The following OTUD7B variants were observed in gnomAD, a reference collection of about 807,000 sequenced individuals.
OTUD7B encodes OTU deubiquitinase 7B, also known as OTU domain-containing protein 7B.
Under a neutral mutation model 82.2 loss-of-function variants are expected in OTUD7B, and 34 were observed. The ratio of observed to expected loss-of-function variants is 0.41; its 90% CI spans 0.31 to 0.55. OTUD7B has a LOEUF of 0.55. Among genes scored for constraint, OTUD7B ranks in the 20% least tolerant of loss-of-function variants. The pLI is 0.20. For missense variants in OTUD7B, 944 were observed against 1,062.1 expected, an observed-to-expected ratio of 0.89 and a Z score of 1.55; for synonymous variants, 398 against 402.7, an observed-to-expected ratio of 0.99 and a Z score of 0.14.
intron 1 of OTUD7B, among the ~76,000 whole-genome samples, chr1:150,000,247 G>A (rs1307700358): frequency 7.2e-5 from 11 of 152,188 alleles, no homozygotes; most frequent in African/African-American, 2.7e-4. Context: ...ACTGAGGCAG[G>A]CAGATCACTT....
chr1:149,957,456 G>A (rs1648771311), intron 7 of OTUD7B, among the ~76,000 whole-genome samples: 1 of 148,348 alleles, frequency 6.7e-6, no homozygotes, highest in African/African-American at 2.6e-5. Context: ...ACTGGGAGGT[G>A]TCTCCCAATT....
chr1:150,030,159 C>T, the OTUD7B span, among the ~76,000 whole-genome samples: 1 of 152,164 alleles, frequency 6.6e-6, no homozygotes, highest in South Asian at 2.1e-4. Flanking sequence ...CCTTCAGTCA[C>T]GATTCTAAAC....
At position 149,944,043 on chromosome 1, in the gene OTUD7B, G is replaced by T. The variant is rs782025471; in HGVS notation, c.2346C>A (p.Pro782=). 1.2e-5 allele frequency: 20 copies of T among 1,614,096 alleles called. No individual in the cohort carries two copies. The highest frequency in any genetic ancestry group is 3.3e-5 in the Admixed American group (2 of 60,010). Residue 782 remains proline, a synonymous_variant, in exon 12 of 12, where the codon CCC becomes CCA. Coordinates refer to ENST00000581312, the MANE Select transcript of OTUD7B (RefSeq NM_020205.4). ...CTCCAGCCCATCCATCTGGCTCAGG[G>T]GGCTCTCTGTAGCCATTGCTATAGG... ...ADSYSNGYRE[P]PEPDGWAGGL...
At chr1:150,030,265 G>T in the OTUD7B span, among the ~76,000 whole-genome samples, 1 of 152,124 alleles carries the variant, frequency 6.6e-6, no homozygotes, top group African/African-American at 2.4e-5. Flanking sequence ...CCTTGGTGTG[G>T]ATGGGAAGGA....
intron 1 of OTUD7B, among the ~76,000 whole-genome samples, chr1:149,999,945 G>C (rs782682490): frequency 3.9e-5 from 6 of 152,298 alleles, no homozygotes; most frequent in Non-Finnish European, 7.4e-5. Context: ...ACACAGCACT[G>C]GCACTTTCAA....
Position 149,965,875 on chromosome 1 carries a change from C to T in OTUD7B, c.506G>A (p.Arg169His), listed in dbSNP as rs184168570. ...ATCCACACTCACCCACCAGTTCAAA[C>T]GCCCTGTAGAAACAAGATAGTGGAG... ...SMLVALEQAG[R>H]LNWWVSVDPT... is the part of the protein sequence containing the mutation. The change falls in exon 5 of 12, where the codon CGT (arginine) becomes CAT (histidine). Residue 169 changes from arginine (R) to histidine (H), a missense_variant. By Grantham distance (29) the Arg-to-His change is conservative (BLOSUM62 0). Transcript: ENST00000581312. The T allele has an allele frequency of 6.5e-5, 105 of 1,613,206 alleles. No individual in the cohort carries two copies. Among genetic ancestry groups the T allele is most frequent in the Non-Finnish European group, 8.6e-5 (101 of 1,179,160 alleles).
At chr1:150,043,891 A>T in the OTUD7B span, among the ~76,000 whole-genome samples, 1 of 152,244 alleles carries the variant, frequency 6.6e-6, no homozygotes, top group Non-Finnish European at 1.5e-5. Context: ...CTAAAGGATT[A>T]CAAGATTACT....
chr1:149,986,971 A>C lies in OTUD7B; in HGVS notation c.-66-9395T>G, dbSNP rs375156706. Among the ~76,000 whole-genome samples, 4 of 152,226 alleles carry C rather than the reference A, an allele frequency of 2.6e-5. No individual in the cohort carries two copies. In the East Asian group the frequency reaches 7.7e-4, roughly 29 times the overall value. Reference sequence around the variant, plus strand: ...TGAATCCAGACCAATCCTACTCTAAAGGGATCTATATAACACTAAATGTTA... The same window carrying C: ...TGAATCCAGACCAATCCTACTCTAACGGGATCTATATAACACTAAATGTTA... On this transcript the variant is annotated intron_variant, in intron 1 of 11. Transcript: ENST00000581312.
chr1:149,958,277 T>TTTTA (rs1233752405), intron 7 of OTUD7B, among the ~76,000 whole-genome samples: 2 of 152,078 alleles, frequency 1.3e-5, no homozygotes, highest in African/African-American at 4.8e-5. Context: ...TTTCATCCAT[T>TTTTA]TTTATTTTAT....
intron 1 of OTUD7B, among the ~76,000 whole-genome samples, chr1:150,010,202 G>A (rs1215987551): frequency 6.6e-6 from 1 of 151,972 alleles, no homozygotes; most frequent in Non-Finnish European, 1.5e-5. Flanking sequence ...CAGGAAGGGA[G>A]GCCGGGAGCT....
rs80191984 is a variant in OTUD7B, at chr1:149,998,054, C to T, written c.-67+12394G>A. On this transcript the variant is annotated intron_variant, in intron 1 of 11. Transcript: ENST00000581312. ...CCCACTTCGGAGAGGCATCAGAAAC[C>T]CACCAAACCCAGCTCTCCTTATTGC... 9.2e-3 allele frequency among the ~76,000 whole-genome samples: 1,406 copies of T among 152,220 alleles called. 26 individuals are homozygous for T. Among genetic ancestry groups the T allele is most frequent in the African/African-American group, 0.032 (1,347 of 41,526 alleles).
intron 1 of OTUD7B, among the ~76,000 whole-genome samples, chr1:149,999,314 G>C (rs1652120923): frequency 2.0e-5 from 3 of 152,166 alleles, no homozygotes; most frequent in Admixed American, 2.0e-4. Context: ...AAAGAAGCTA[G>C]GACACAGAAA....
In OTUD7B at chr1:149,944,217, T is replaced by TA. The variant is rs1647496774; in HGVS notation, c.2171dup (p.Pro725ThrfsTer32). 6.2e-7 allele frequency: 1 copy of TA among 1,613,246 alleles called. No homozygotes were observed. Among genetic ancestry groups the TA allele is most frequent in the African/African-American group, 1.3e-5 (1 of 74,894 alleles). On this transcript the variant is annotated frameshift_variant, in exon 12 of 12. Transcript: ENST00000581312. LOFTEE classifies it high-confidence loss of function. ...GTCTGGGGAAGGTGGCATATGGTGG[T>TA]AGGCCCCCGACACATGGACCCCCTG...
At chr1:150,066,912 T>G in the OTUD7B span, 1 of 152,250 alleles carries the variant, frequency 6.6e-6, no homozygotes, top group Non-Finnish European at 1.5e-5. This position sits in a 1 kb window ranked among gnomAD's most constrained non-coding sequence, Gnocchi z 4.6. Flanking sequence ...CTAGTTTTAG[T>G]TCTACCGGAT....
the OTUD7B span, among the ~76,000 whole-genome samples, chr1:150,049,204 T>C: frequency 6.6e-6 from 1 of 152,288 alleles, no homozygotes; most frequent in Non-Finnish European, 1.5e-5. Flanking sequence ...TAAAATACAC[T>C]ATAAATCAGA....
chr1:149,982,059 G>A (rs1345429054), intron 1 of OTUD7B, among the ~76,000 whole-genome samples: 5 of 152,128 alleles, frequency 3.3e-5, no homozygotes, highest in African/African-American at 1.2e-4. Flanking sequence ...TGAGGCAGGA[G>A]AATGACGTGA....
At chr1:150,059,883 G>C in the OTUD7B span, among the ~76,000 whole-genome samples, 2 of 152,056 alleles carry the variant, frequency 1.3e-5, no homozygotes, top group Non-Finnish European at 2.9e-5. Context: ...TCAGCTAAAA[G>C]TTGGAAGGGT....
At chr1:149,974,698 C>T (rs587676218) in intron 2 of OTUD7B, among the ~76,000 whole-genome samples, 4 of 151,234 alleles carry the variant, frequency 2.6e-5, no homozygotes, top group Admixed American at 1.3e-4. Flanking sequence ...TACAGGCACC[C>T]GCCACCACAC....
chr1:150,037,225 T>C, the OTUD7B span, among the ~76,000 whole-genome samples: 1 of 144,320 alleles, frequency 6.9e-6, no homozygotes, highest in Non-Finnish European at 1.5e-5. Context: ...CACAAAATGT[T>C]CAAGAAGCCG....
Sources: allele counts gnomAD v4.1 joint callset (sites outside exome capture counted in the v4.1 genomes callset), GRCh38; gene constraint gnomAD v4.1.1; non-coding constraint Gnocchi (gnomAD v3.1); transcripts MANE v1.5; gene names NCBI Gene and HGNC (gene_info 2026-07-23, HGNC 2026-07-21).